Variants in CADM2 observed in about 807,000 individuals in gnomAD.
The protein encoded by CADM2 is cell adhesion molecule 2.
A neutral mutation model predicts 49.8 loss-of-function variants in CADM2; 12 were observed. The observed-to-expected ratio is 0.24, with a 90% CI of 0.15 to 0.39. The LOEUF (loss-of-function observed/expected upper bound fraction) is 0.39. Ranked by LOEUF, CADM2 falls within the 10% of genes least tolerant of loss-of-function variation. The pLI is 1.00. For synonymous variants in CADM2, 214 were observed against 175.4 expected (o/e 1.22, Z -1.74); for missense variants, 378 against 492.3 (o/e 0.77, Z 2.20).
chr3:85,583,182 T>C (rs2062844792), intron 1 of CADM2, among the ~76,000 whole-genome samples: 1 of 152,140 alleles, frequency 6.6e-6, no homozygotes, highest in Non-Finnish European at 1.5e-5. Context: ...AAGCAGCTAT[T>C]ATAAGAACTC....
chr3:85,534,905 C>T (rs958538566), intron 1 of CADM2, among the ~76,000 whole-genome samples: 1 of 152,088 alleles, frequency 6.6e-6, no homozygotes, highest in Non-Finnish European at 1.5e-5. Flanking sequence ...TTATGTCAAA[C>T]TGAAGTCATA....
At chr3:85,944,200 T>C (rs1295379826) in intron 7 of CADM2, among the ~76,000 whole-genome samples, 3 of 152,048 alleles carry the variant, frequency 2.0e-5, no homozygotes, top group African/African-American at 7.2e-5. Context: ...GGTAAAGGGA[T>C]CAATTCGACA....
rs1575952625 is a variant in CADM2 at position 85,135,500 on chromosome 3, T to A, written c.61+175832T>A. 2.6e-5 allele frequency among the ~76,000 whole-genome samples: 4 copies of A among 152,066 alleles called. No homozygotes were observed. In the South Asian group the frequency reaches 8.3e-4, roughly 31 times the overall value. On this transcript the variant is annotated intron_variant, in intron 1 of 9. Transcript: ENST00000383699. ...AATGTATAATGCTGTAGAATTTAAA[T>A]TTCTATTCACAATCAAAAGCACATA...
chr3:85,461,528 A>C (rs1404071800), intron 1 of CADM2, among the ~76,000 whole-genome samples: 2 of 152,196 alleles, frequency 1.3e-5, no homozygotes, highest in African/African-American at 2.4e-5. Context: ...ATATGCAGTC[A>C]TGTCATAACT....
chr3:85,741,335 G>A (rs1173075022), intron 2 of CADM2, among the ~76,000 whole-genome samples: 7 of 148,944 alleles, frequency 4.7e-5, no homozygotes, highest in African/African-American at 4.9e-5. Flanking sequence ...CCCCTCAAGA[G>A]AAAAAAAAAA....
intron 2 of CADM2, among the ~76,000 whole-genome samples, chr3:85,776,117 C>T (rs1175853750): frequency 6.6e-6 from 1 of 151,586 alleles, no homozygotes; most frequent in Non-Finnish European, 1.5e-5. Flanking sequence ...CATAATTATA[C>T]TTTCATTATT....
At chr3:85,812,174 T>G (rs905775264) in intron 3 of CADM2, among the ~76,000 whole-genome samples, 1 of 152,036 alleles carries the variant, frequency 6.6e-6, no homozygotes, top group Non-Finnish European at 1.5e-5. Flanking sequence ...AATTATTAAG[T>G]CAAGCAATCT....
intron 1 of CADM2, among the ~76,000 whole-genome samples, chr3:85,360,776 C>G: frequency 6.6e-6 from 1 of 152,274 alleles, no homozygotes; most frequent in South Asian, 2.1e-4. Flanking sequence ...TGAAGCATCA[C>G]AAGAGTGTTG....
intron 1 of CADM2, among the ~76,000 whole-genome samples, chr3:85,638,497 G>GT (rs1456025694): frequency 2.0e-5 from 3 of 152,070 alleles, no homozygotes; most frequent in Non-Finnish European, 2.9e-5. Context: ...TTTCTAAACA[G>GT]TTTTTATATG....
intron 1 of CADM2, among the ~76,000 whole-genome samples, chr3:85,176,505 T>G (rs1576047096): frequency 6.6e-6 from 1 of 152,262 alleles, no homozygotes; most frequent in Middle Eastern, 3.4e-3. Flanking sequence ...TAATGTGCAG[T>G]TTGCTTTGGG....
chr3:85,491,937 G>A (rs1576649697), intron 1 of CADM2, among the ~76,000 whole-genome samples: 2 of 133,192 alleles, frequency 1.5e-5, no homozygotes, highest in East Asian at 2.6e-4. Context: ...GGGCGAGAGT[G>A]AGACTGTCTC....
At chr3:85,019,057 A>G (rs919053733) in intron 1 of CADM2, among the ~76,000 whole-genome samples, 2 of 152,182 alleles carry the variant, frequency 1.3e-5, no homozygotes, top group Non-Finnish European at 2.9e-5. Flanking sequence ...AATCCCATGG[A>G]TGAACTTAGA....
intron 1 of CADM2, among the ~76,000 whole-genome samples, chr3:85,170,843 CAG>C (rs2040605975): frequency 6.6e-6 from 1 of 152,126 alleles, no homozygotes; most frequent in Non-Finnish European, 1.5e-5. Context: ...CTATATAGAA[CAG>C]AGTTGAACTT....
chr3:85,366,966 G>T (rs919437875), intron 1 of CADM2, among the ~76,000 whole-genome samples: 1 of 151,870 alleles, frequency 6.6e-6, no homozygotes, highest in South Asian at 2.1e-4. Context: ...AGTTAACACA[G>T]CTATGTCATT....
chr3:85,017,885 T>G (rs911000866), intron 1 of CADM2, among the ~76,000 whole-genome samples: 1 of 152,180 alleles, frequency 6.6e-6, no homozygotes, highest in Non-Finnish European at 1.5e-5. Flanking sequence ...AATATAGAGA[T>G]AGAACCATCA....
chr3:85,428,162 C>T (rs2036499265), intron 1 of CADM2, among the ~76,000 whole-genome samples: 1 of 150,126 alleles, frequency 6.7e-6, no homozygotes, highest in Admixed American at 6.7e-5. Context: ...TTATAGAATT[C>T]ATATTGACCA....
chr3:85,364,161 A>G (rs2032569198), intron 1 of CADM2, among the ~76,000 whole-genome samples: 1 of 152,206 alleles, frequency 6.6e-6, no homozygotes. Flanking sequence ...TTGTCTCATT[A>G]GAGTGATATT....
intron 1 of CADM2, among the ~76,000 whole-genome samples, chr3:85,018,463 T>C (rs1213598328): frequency 6.6e-6 from 1 of 152,128 alleles, no homozygotes; most frequent in Non-Finnish European, 1.5e-5. Flanking sequence ...CCGCAACCTC[T>C]GTCTCCAGGG....
At chr3:85,900,530 C>T (rs1715973577) in intron 5 of CADM2, among the ~76,000 whole-genome samples, 1 of 152,106 alleles carries the variant, frequency 6.6e-6, no homozygotes, top group Admixed American at 6.6e-5. Flanking sequence ...TACATAAAAA[C>T]ATTTTTTTTA....
Sources: allele counts gnomAD v4.1 joint callset (sites outside exome capture counted in the v4.1 genomes callset), GRCh38; gene constraint gnomAD v4.1.1; transcripts MANE v1.5; gene names NCBI Gene and HGNC (gene_info 2026-07-23, HGNC 2026-07-21).